NEK10: variants seen among roughly 807,000 people sequenced by gnomAD.
NEK10 encodes the protein serine/threonine-protein kinase Nek10.
Under a neutral mutation model 159.8 loss-of-function variants are expected in NEK10, and 122 were observed. The ratio of observed to expected loss-of-function variants is 0.76; its 90% confidence interval spans 0.66 to 0.89. The LOEUF (loss-of-function observed/expected upper bound fraction) is 0.89. Ranked by LOEUF, NEK10 falls within the 40% of genes least tolerant of loss-of-function variation. The pLI is 0.00. For missense variants in NEK10, 1,342 were observed against 1,323.1 expected, an observed-to-expected ratio of 1.01 and a Z score of -0.22; for synonymous variants, 466 against 457.1, an observed-to-expected ratio of 1.02 and a Z score of -0.25.
At chr3:27,156,919 T>A (rs1945497817) in intron 30 of NEK10, among the ~76,000 whole-genome samples, 1 of 101,078 alleles carries the variant, frequency 9.9e-6, no homozygotes, top group African/African-American at 3.6e-5. Context: ...AAGGAGTGCA[T>A]AAAGAAACTG....
At chr3:27,156,931 TATATATATATATA>T (rs1443058018) in intron 30 of NEK10, among the ~76,000 whole-genome samples, 31 of 5,298 alleles carry the variant, frequency 5.9e-3, no homozygotes, top group African/African-American at 0.056. Flanking sequence ...AAGAAACTGA[TATATATATATATA>T]TATATATATA....
chr3:27,320,638 A>G (rs1031096913), intron 6 of NEK10, among the ~76,000 whole-genome samples: 2 of 152,180 alleles, frequency 1.3e-5, no homozygotes, highest in African/African-American at 4.8e-5. Flanking sequence ...ACAGGAAAAT[A>G]AGGATGCTTA....
At chr3:27,183,513 A>G (rs1305842085) in intron 26 of NEK10, among the ~76,000 whole-genome samples, 1 of 151,968 alleles carries the variant, frequency 6.6e-6, no homozygotes, top group African/African-American at 2.4e-5. Context: ...TTGCAACCTT[A>G]GGGTAGGCAA....
At chr3:27,149,998 A>G (rs558217688) in intron 30 of NEK10, among the ~76,000 whole-genome samples, 77 of 152,330 alleles carry the variant, frequency 5.1e-4, no homozygotes, top group African/African-American at 1.7e-3. Context: ...TTAGAAGATA[A>G]AAGATCAAAC....
intron 31 of NEK10, among the ~76,000 whole-genome samples, chr3:27,138,905 A>G (rs575965939): frequency 6.6e-5 from 10 of 152,240 alleles, no homozygotes; most frequent in Non-Finnish European, 1.5e-4. Context: ...AATGAAGAAC[A>G]CAAGGACTAT....
At chr3:27,323,231 A>C (rs1306398872) in intron 5 of NEK10, among the ~76,000 whole-genome samples, 1 of 152,128 alleles carries the variant, frequency 6.6e-6, no homozygotes, top group African/African-American at 2.4e-5. Context: ...CTGGAATGTA[A>C]GTTACTGCTC....
At chr3:27,340,821 C>T (rs893413628) in intron 5 of NEK10, among the ~76,000 whole-genome samples, 3 of 152,144 alleles carry the variant, frequency 2.0e-5, no homozygotes, top group Non-Finnish European at 4.4e-5. Context: ...AATAGAACCA[C>T]ATGATCCAGC....
At chr3:27,203,019 C>G (rs1046958102) in intron 23 of NEK10, among the ~76,000 whole-genome samples, 5 of 152,204 alleles carry the variant, frequency 3.3e-5, no homozygotes, top group African/African-American at 1.2e-4. Context: ...ATTAGAGCCT[C>G]AGTCTGAACA....
rs141454503 is a variant in NEK10 at position 27,177,437 on chromosome 3, C to T, written c.2506-2604G>A. ...GTGGGCGCCTGTAGTCCCAGCTACT[C>T]GGGAGGCTGAAGGAGGAGAATGGCA... On this transcript the variant is annotated intron_variant, in intron 26 of 35. Transcript: ENST00000691995. 1.0e-2 allele frequency among the ~76,000 whole-genome samples: 1,513 copies of T among 151,690 alleles called. 19 individuals are homozygous for T. The highest frequency in any genetic ancestry group is 0.034 in the African/African-American group (1,405 of 41,340).
At chr3:27,367,441 G>A (rs901658156) in intron 1 of NEK10, 2 of 152,138 alleles carry the variant, frequency 1.3e-5, no homozygotes, top group Non-Finnish European at 2.9e-5. Flanking sequence ...TATAAACTGT[G>A]AATTGAAGTA....
In NEK10 at chr3:27,131,961, T is replaced by C. The variant is rs1413620170; in HGVS notation, c.3000A>G (p.Lys1000=). 1 of 1,608,088 alleles carries C rather than the reference T, an allele frequency of 6.2e-7. No individual in the cohort carries two copies. The highest frequency in any genetic ancestry group is 1.7e-5 in the Admixed American group (1 of 59,932). ...TCTTGAATCTCTCTATAACCCTTCTTTTCAAATTGTGGTGCAAAGCTGGAG... is the reference window on the plus strand; with the variant it reads ...TCTTGAATCTCTCTATAACCCTTCTCTTCAAATTGTGGTGCAAAGCTGGAG... The part of the protein sequence containing the change: ...QLPPALHHNL[K]RRVIERFKKS... Residue 1000 remains lysine (K), a synonymous_variant, in exon 32 of 36, where the codon AAA becomes AAG. Transcript: ENST00000691995.
At chr3:27,123,653 T>C (rs1241514888) in intron 32 of NEK10, among the ~76,000 whole-genome samples, 1 of 152,164 alleles carries the variant, frequency 6.6e-6, no homozygotes, top group Non-Finnish European at 1.5e-5. Context: ...TCCACCTAGA[T>C]ACATGTAAAA....
rs1199171518 is a variant in NEK10 at position 27,109,821 on chromosome 3, T to C, written c.*1451A>G. ...AAATTTTCATTACTGTATTTGCATC[T>C]ATTATCTTACATTACAGTGTATCTG... On this transcript the variant is annotated 3_prime_UTR_variant, in exon 36 of 36. Coordinates refer to ENST00000691995, the MANE Select transcript of NEK10 (RefSeq NM_001394966.1). 6.6e-6 allele frequency among the ~76,000 whole-genome samples: 1 copy of C among 152,238 alleles called. No homozygotes were observed. Among genetic ancestry groups the C allele is most frequent in the Non-Finnish European group, 1.5e-5 (1 of 68,042 alleles).
In NEK10 at chr3:27,133,854, G is replaced by T. The variant is rs1942898680; in HGVS notation, c.2971-1864C>A. On this transcript the variant is annotated intron_variant, in intron 31 of 35. Coordinates refer to ENST00000691995, the MANE Select transcript of NEK10 (RefSeq NM_001394966.1). ...AGCGAAGAAATAAGACTCTTCTGGAGATACTGAAGCACTTCAGTGTACTCT... is the reference window on the plus strand; with the variant it reads ...AGCGAAGAAATAAGACTCTTCTGGATATACTGAAGCACTTCAGTGTACTCT... Among the ~76,000 whole-genome samples the T allele has an allele frequency of 1.3e-5, 2 of 152,192 alleles. 1 individual carries two copies. Among genetic ancestry groups the T allele is most frequent in the South Asian group, 4.1e-4 (2 of 4,828 alleles).
chr3:27,206,894 C>G (rs1356612163), intron 23 of NEK10, among the ~76,000 whole-genome samples: 3 of 152,148 alleles, frequency 2.0e-5, no homozygotes, highest in African/African-American at 7.2e-5. Context: ...TGGGAGATAT[C>G]TTAAAGCCCT....
At chr3:27,316,617 A>C (rs546018624) in intron 6 of NEK10, among the ~76,000 whole-genome samples, 1 of 152,286 alleles carries the variant, frequency 6.6e-6, no homozygotes, top group East Asian at 1.9e-4. Context: ...GAAGAGAATA[A>C]TGTTTAAATG....
chr3:27,294,402 C>T (rs1002094972), intron 15 of NEK10, among the ~76,000 whole-genome samples: 5 of 152,136 alleles, frequency 3.3e-5, no homozygotes, highest in Admixed American at 2.6e-4. Context: ...GAGGTGAGGC[C>T]GGTAACAAAA....
intron 32 of NEK10, among the ~76,000 whole-genome samples, chr3:27,129,138 C>T (rs1522152): frequency 2.3e-4 from 35 of 152,056 alleles, no homozygotes; most frequent in African/African-American, 8.2e-4. Context: ...TTACTCCCCT[C>T]GCAATTCTAG....
Position 27,227,585 on chromosome 3 carries a change from G to A in NEK10, c.2091-25028C>T, listed in dbSNP as rs765095787. 2.6e-4 allele frequency among the ~76,000 whole-genome samples: 39 copies of A among 152,204 alleles called. No individual in the cohort carries two copies. The Middle Eastern group carries it at 0.01, about 40-fold the overall frequency. Reference sequence around the variant, plus strand: ...CCTGTGACCTTCCCAGGCTTGCTCTGCTGTTCCCTACTGACATGGTGGCTG... The same window carrying A: ...CCTGTGACCTTCCCAGGCTTGCTCTACTGTTCCCTACTGACATGGTGGCTG... On this transcript the variant is annotated intron_variant, in intron 23 of 35. Coordinates refer to ENST00000691995, the MANE Select transcript of NEK10 (RefSeq NM_001394966.1).
Sources: gnomAD v4.1 joint callset for allele counts (sites outside exome capture counted in the v4.1 genomes callset) on GRCh38, gnomAD v4.1.1 for gene constraint, MANE v1.5 for transcripts, NCBI Gene and HGNC (gene_info 2026-07-23, HGNC 2026-07-21) for gene names.